Variants in YPEL2 observed in about 807,000 individuals in gnomAD.
YPEL2 encodes the protein yippee like 2.
Under a neutral mutation model 19.1 loss-of-function variants are expected in YPEL2, and 2 were observed. The ratio of observed to expected loss-of-function variants is 0.10; its 90% CI spans 0.04 to 0.33. The LOEUF (loss-of-function observed/expected upper bound fraction) is 0.33, where lower values mean the gene tolerates loss of function less well. YPEL2 is among the 10% of genes least tolerant of loss of function. YPEL2 has a pLI of 1.00. For synonymous variants in YPEL2, 52 were observed against 50.0 expected (o/e 1.04, Z -0.17); for missense variants, 66 against 140.7 (o/e 0.47, Z 2.68).
chr17:59,382,649 A>G (rs1453543469), intron 2 of YPEL2, among the ~76,000 whole-genome samples: 2 of 152,274 alleles, frequency 1.3e-5, no homozygotes, highest in Non-Finnish European at 2.9e-5. Context: ...AAGAAAAATT[A>G]GAAAATGGTT....
At chr17:59,356,377 A>C (rs922385706) in intron 2 of YPEL2, 3 of 150,552 alleles carry the variant, frequency 2.0e-5, no homozygotes, top group African/African-American at 7.4e-5. Context: ...CCAGCAGTGA[A>C]CTGGGACTAG....
intron 1 of YPEL2, among the ~76,000 whole-genome samples, chr17:59,351,607 C>T (rs1448147459): frequency 6.6e-6 from 1 of 152,136 alleles, no homozygotes; most frequent in African/African-American, 2.4e-5. Flanking sequence ...GATGGCCAGA[C>T]CTAACTGAGG....
chr17:59,383,963 C>T (rs2047967625), intron 2 of YPEL2, among the ~76,000 whole-genome samples: 1 of 151,954 alleles, frequency 6.6e-6, no homozygotes, highest in African/African-American at 2.4e-5. Context: ...ATGAATTAAG[C>T]TGTGAAAAAC....
intron 4 of YPEL2, among the ~76,000 whole-genome samples, chr17:59,390,342 G>A (rs111596993): frequency 4.9e-4 from 74 of 150,774 alleles, no homozygotes; most frequent in Admixed American, 2.5e-3. Context: ...GGGTCTCACT[G>A]TGTTGCTCAG....
intron 2 of YPEL2, among the ~76,000 whole-genome samples, chr17:59,378,710 CATCGTGA>C (rs1363337227): frequency 6.6e-6 from 1 of 152,184 alleles, no homozygotes; most frequent in Non-Finnish European, 1.5e-5. Context: ...TAGTTCCAAG[CATCGTGA>C]ATGTTCCCAT....
At chr17:59,332,509 T>C (rs1040992244) in intron 1 of YPEL2, among the ~76,000 whole-genome samples, 8 of 152,150 alleles carry the variant, frequency 5.3e-5, no homozygotes, top group Non-Finnish European at 1.2e-4. Flanking sequence ...TCCCCGGAGC[T>C]GGCGCTTAGG....
chr17:59,388,496 T>A, intron 3 of YPEL2, 126 bp downstream of exon 3: 1 of 949,452 alleles, frequency 1.1e-6, no homozygotes, highest in Non-Finnish European at 1.7e-6. Context: ...TGTGGAGCAT[T>A]ACTGTCCACA....
intron 2 of YPEL2, among the ~76,000 whole-genome samples, chr17:59,374,492 G>T (rs187893410): frequency 9.0e-4 from 137 of 152,260 alleles, no homozygotes; most frequent in Non-Finnish European, 1.7e-3. Flanking sequence ...TGCTAATGGC[G>T]CTCACCAGAG....
chr17:59,347,055 C>G (rs1234450611), intron 1 of YPEL2, among the ~76,000 whole-genome samples: 1 of 152,130 alleles, frequency 6.6e-6, no homozygotes, highest in Non-Finnish European at 1.5e-5. Flanking sequence ...GAGTCCGAAG[C>G]TATGCATGGG....
intron 2 of YPEL2, among the ~76,000 whole-genome samples, chr17:59,375,845 G>C (rs1242472177): frequency 6.6e-6 from 1 of 152,202 alleles, no homozygotes; most frequent in Non-Finnish European, 1.5e-5. Context: ...AGTTCTAACA[G>C]AGTGAGCCAT....
At chr17:59,372,647 A>T (rs539766538) in intron 2 of YPEL2, among the ~76,000 whole-genome samples, 66 of 152,312 alleles carry the variant, frequency 4.3e-4, no homozygotes, top group Non-Finnish European at 8.7e-4. Flanking sequence ...TTGAAGAGTG[A>T]TAAGAATGCC....
intron 1 of YPEL2, 122 bp downstream of exon 1, chr17:59,331,946 G>A (rs1427206501): frequency 1.3e-5 from 2 of 151,456 alleles, no homozygotes; most frequent in Non-Finnish European, 2.9e-5. Flanking sequence ...CGCGGGGTTG[G>A]GGGTGCGGCG....
At chr17:59,335,056 A>G (rs906206411) in intron 1 of YPEL2, among the ~76,000 whole-genome samples, 50 of 152,232 alleles carry the variant, frequency 3.3e-4, no homozygotes, top group Non-Finnish European at 1.3e-4. Context: ...TCCCCTGAGC[A>G]TAAAAAGGTA....
intron 4 of YPEL2, among the ~76,000 whole-genome samples, chr17:59,392,520 T>TG (rs2048012700): frequency 6.8e-6 from 1 of 147,542 alleles, no homozygotes; most frequent in Admixed American, 6.7e-5. Context: ...TTTTTTTTTT[T>TG]TTTTTTTTGA....
intron 4 of YPEL2, among the ~76,000 whole-genome samples, chr17:59,390,065 A>G (rs2048000141): frequency 6.6e-6 from 1 of 152,122 alleles, no homozygotes; most frequent in South Asian, 2.1e-4. Flanking sequence ...CAGTGGCGCA[A>G]TCTCAGCTCA....
chr17:59,377,937 C>T (rs910431665), intron 2 of YPEL2, among the ~76,000 whole-genome samples: 2 of 152,226 alleles, frequency 1.3e-5, no homozygotes, highest in African/African-American at 4.8e-5. Context: ...ACTTACTATA[C>T]ACACAATCAT....
At chr17:59,373,769 G>A (rs895691235) in intron 2 of YPEL2, among the ~76,000 whole-genome samples, 1 of 152,142 alleles carries the variant, frequency 6.6e-6, no homozygotes, top group African/African-American at 2.4e-5. Flanking sequence ...GTTTTGCTCA[G>A]GAGATGATTT....
At chr17:59,382,248 G>T (rs1227440093) in intron 2 of YPEL2, among the ~76,000 whole-genome samples, 1 of 152,252 alleles carries the variant, frequency 6.6e-6, no homozygotes, top group East Asian at 1.9e-4. Context: ...CCCTGAGGGG[G>T]TTCAGTACCC....
chr17:59,331,886 C>T (rs947430302), intron 1 of YPEL2, 62 bp downstream of exon 1: 2 of 151,346 alleles, frequency 1.3e-5, no homozygotes, highest in African/African-American at 2.4e-5. Flanking sequence ...GCTGTCAGCT[C>T]GGGCTCTGGG....
Sources: gnomAD v4.1 joint callset for allele counts (sites outside exome capture counted in the v4.1 genomes callset) on GRCh38, gnomAD v4.1.1 for gene constraint, MANE v1.5 for transcripts, NCBI Gene and HGNC (gene_info 2026-07-23, HGNC 2026-07-21) for gene names.